IDE: variants seen among roughly 807,000 people sequenced by gnomAD.
IDE encodes the protein insulin-degrading enzyme.
Under a neutral mutation model 133.2 loss-of-function variants are expected in IDE, and 58 were observed. The ratio of observed to expected loss-of-function variants is 0.44; its 90% CI spans 0.35 to 0.54. The LOEUF (loss-of-function observed/expected upper bound fraction) is 0.54. Ranked by LOEUF, IDE falls within the 20% of genes least tolerant of loss-of-function variation. IDE has a pLI of 0.00. For synonymous variants in IDE, 396 were observed against 421.3 expected (o/e 0.94, Z 0.73); for missense variants, 981 against 1,234.0 (o/e 0.79, Z 3.07).
At chr10:92,561,360 C>T (rs1843273306) in intron 1 of IDE, among the ~76,000 whole-genome samples, 1 of 152,172 alleles carries the variant, frequency 6.6e-6, no homozygotes, top group Non-Finnish European at 1.5e-5. Flanking sequence ...TTTCATTTCT[C>T]TGTCAACCTC....
At chr10:92,565,608 C>G (rs1434063540) in intron 1 of IDE, among the ~76,000 whole-genome samples, 1 of 152,006 alleles carries the variant, frequency 6.6e-6, no homozygotes, top group African/African-American at 2.4e-5. Context: ...CTGCCCCCTC[C>G]CCCACCGCAT....
chr10:92,481,852 G>A (rs1394458885), intron 14 of IDE, among the ~76,000 whole-genome samples: 1 of 152,202 alleles, frequency 6.6e-6, no homozygotes, highest in Non-Finnish European at 1.5e-5. Flanking sequence ...TCAAAGGGTA[G>A]TCTAAAGAAA....
At chr10:92,485,125 CTTTTTTTTTTTT>C (rs34615998) in intron 13 of IDE, among the ~76,000 whole-genome samples, 1 of 100,860 alleles carries the variant, frequency 9.9e-6, no homozygotes, top group Non-Finnish European at 1.9e-5. Flanking sequence ...TTCTTTCTTT[CTTTTTTTTTTTT>C]TTTTTTTGTG....
At chr10:92,556,028 C>G (rs543667621) in intron 1 of IDE, among the ~76,000 whole-genome samples, 1 of 151,324 alleles carries the variant, frequency 6.6e-6, no homozygotes, top group Admixed American at 6.6e-5. Context: ...AAAAAATTAG[C>G]GGGGCGCGGT....
At chr10:92,495,142 G>A (rs867334579) in intron 11 of IDE, among the ~76,000 whole-genome samples, 1 of 149,084 alleles carries the variant, frequency 6.7e-6, no homozygotes, top group South Asian at 2.1e-4. Flanking sequence ...CGGCTCCCTG[G>A]AACCTCCACC....
At position 92,533,581 on chromosome 10, in the gene IDE, G is replaced by A. The variant is rs137979961; in HGVS notation, c.491+997C>T. ...ACAGAAAACTATAAATATTCACCAAGGATAAACAAATAACTACTGCCTACC... is the reference window on the plus strand; with the variant it reads ...ACAGAAAACTATAAATATTCACCAAAGATAAACAAATAACTACTGCCTACC... On this transcript the variant is annotated intron_variant, in intron 3 of 24. Transcript: ENST00000265986. 7.4e-3 allele frequency among the ~76,000 whole-genome samples: 1,122 copies of A among 152,098 alleles called. 13 individuals are homozygous for A. The highest frequency in any genetic ancestry group is 0.026 in the African/African-American group (1,065 of 41,502).
At chr10:92,475,050 T>C (rs1275350749) in intron 16 of IDE, 89 bp from the exon 17 acceptor site, 2 of 954,242 alleles carry the variant, frequency 2.1e-6, no homozygotes, top group Non-Finnish European at 1.6e-6. Flanking sequence ...CAATTCTCTA[T>C]AAACTGTATT....
At chr10:92,480,211 T>G (rs1846523119) in intron 14 of IDE, among the ~76,000 whole-genome samples, 1 of 152,202 alleles carries the variant, frequency 6.6e-6, no homozygotes, top group Non-Finnish European at 1.5e-5. Context: ...TTAAATGACC[T>G]GCTCCTTTGA....
At chr10:92,519,085 C>T (rs1000413865) in intron 4 of IDE, among the ~76,000 whole-genome samples, 8 of 151,848 alleles carry the variant, frequency 5.3e-5, no homozygotes, top group South Asian at 2.1e-4. Flanking sequence ...AAATAAACAA[C>T]GGAAAATAAA....
Position 92,485,654 on chromosome 10 carries a change from C to T in IDE, c.1656+1542G>A, listed in dbSNP as rs188157759. ...TCTGGGAAGGCCTATTTAAAACAAA[C>T]AGCAAAAGTCGGATATGGTAGCTCA... On this transcript the variant is annotated intron_variant, in intron 13 of 24. Coordinates refer to ENST00000265986, the MANE Select transcript of IDE (RefSeq NM_004969.4). 5.1e-4 allele frequency among the ~76,000 whole-genome samples: 77 copies of T among 152,198 alleles called. No homozygotes were observed. The East Asian group carries it at 0.011, about 22-fold the overall frequency.
At chr10:92,527,458 T>G (rs773601058) in intron 4 of IDE, among the ~76,000 whole-genome samples, 1 of 152,170 alleles carries the variant, frequency 6.6e-6, no homozygotes, top group Non-Finnish European at 1.5e-5. Flanking sequence ...ATAATGAGAT[T>G]ATACAATTCC....
chr10:92,521,010 C>T (rs140684795), intron 4 of IDE, among the ~76,000 whole-genome samples: 8 of 152,168 alleles, frequency 5.3e-5, no homozygotes, highest in Non-Finnish European at 7.4e-5. Context: ...AGGATGCTGA[C>T]GAACCAATTC....
chr10:92,515,644 C>G (rs1352586644), intron 4 of IDE, among the ~76,000 whole-genome samples: 1 of 149,548 alleles, frequency 6.7e-6, no homozygotes, highest in Non-Finnish European at 1.5e-5. Flanking sequence ...TCACCCCAAC[C>G]TCCGCCTCCC....
chr10:92,478,618 C>T (rs780878112), intron 15 of IDE: 2 of 1,149,430 alleles, frequency 1.7e-6, no homozygotes, highest in Non-Finnish European at 2.2e-6. Flanking sequence ...GGGGTGGTGC[C>T]TTTTCTTTGG....
intron 13 of IDE, among the ~76,000 whole-genome samples, chr10:92,486,548 A>G (rs991357079): frequency 1.3e-5 from 2 of 151,790 alleles, no homozygotes; most frequent in South Asian, 2.1e-4. Context: ...GAAACAGTTT[A>G]GAAGGGAGAA....
intron 7 of IDE, among the ~76,000 whole-genome samples, chr10:92,508,479 C>T (rs1298106799): frequency 6.8e-6 from 1 of 147,542 alleles, no homozygotes; most frequent in Admixed American, 6.9e-5. Context: ...TTTAGGAGGC[C>T]AAGATGGGCG....
chr10:92,555,956 G>A (rs1049023063), intron 1 of IDE, among the ~76,000 whole-genome samples: 1 of 151,132 alleles, frequency 6.6e-6, no homozygotes, highest in Non-Finnish European at 1.5e-5. Flanking sequence ...GGTGGATCAC[G>A]AGGTCAGGAG....
intron 1 of IDE, among the ~76,000 whole-genome samples, chr10:92,570,835 GA>G (rs1843745664): frequency 6.6e-6 from 1 of 151,816 alleles, no homozygotes; most frequent in Admixed American, 6.6e-5. Flanking sequence ...AGGATCACTT[GA>G]ACCCAAGAGA....
intron 11 of IDE, among the ~76,000 whole-genome samples, chr10:92,492,202 G>A (rs528957509): frequency 6.6e-6 from 1 of 151,786 alleles, no homozygotes; most frequent in East Asian, 2.0e-4. Flanking sequence ...GGAGCATGCA[G>A]TGAGCCGAGA....
Sources: allele counts gnomAD v4.1 joint callset (sites outside exome capture counted in the v4.1 genomes callset), GRCh38; gene constraint gnomAD v4.1.1; transcripts MANE v1.5; gene names NCBI Gene and HGNC (gene_info 2026-07-23, HGNC 2026-07-21).